SPIDR: variants seen among roughly 807,000 people sequenced by gnomAD.
SPIDR encodes the protein DNA repair-scaffolding protein.
Under a neutral mutation model 104.6 loss-of-function variants are expected in SPIDR, and 93 were observed. The observed-to-expected ratio is 0.89, with a 90% CI of 0.75 to 1.06. SPIDR has a LOEUF of 1.06. Among genes scored for constraint, SPIDR ranks in the 50% least tolerant of loss-of-function variants. The probability of loss-of-function intolerance (pLI) is 0.00; values close to 1 mark genes in which losing one functional copy is unlikely to be tolerated. For missense variants in SPIDR, 1,154 were observed against 1,111.2 expected (o/e 1.04, Z -0.55); for synonymous variants, 431 against 416.9 (o/e 1.03, Z -0.41).
intron 10 of SPIDR, among the ~76,000 whole-genome samples, chr8:47,608,708 T>C (rs1383805108): frequency 6.6e-6 from 1 of 152,220 alleles, no homozygotes; most frequent in Non-Finnish European, 1.5e-5. Flanking sequence ...CTAACAATGT[T>C]GAGCATCTTT....
chr8:47,283,809 C>T lies in SPIDR; in HGVS notation c.190-219C>T, dbSNP rs376622515. 8.2e-4 allele frequency among the ~76,000 whole-genome samples: 125 copies of T among 152,032 alleles called. 1 individual carries two copies. Among genetic ancestry groups the T allele is most frequent in the African/African-American group, 8.0e-4 (33 of 41,468 alleles). On this transcript the variant is annotated intron_variant, in intron 2 of 19. Coordinates refer to ENST00000297423, the MANE Select transcript of SPIDR (RefSeq NM_001080394.4). ...TATTACACTGAATGTTAATGGGAAA[C>T]GTTTTGGTCAGTCAGATCTCTTTAG...
intron 8 of SPIDR, among the ~76,000 whole-genome samples, chr8:47,520,099 T>C (rs1156754490): frequency 6.6e-6 from 1 of 152,192 alleles, no homozygotes; most frequent in African/African-American, 2.4e-5. Context: ...TATAGTTGTA[T>C]TTGAATATGG....
chr8:47,317,629 G>C (rs1377553842), intron 5 of SPIDR, among the ~76,000 whole-genome samples: 5 of 152,280 alleles, frequency 3.3e-5, no homozygotes, highest in African/African-American at 1.2e-4. Flanking sequence ...GGAGGTCTGA[G>C]AACAGAAAGA....
chr8:47,507,391 A>G (rs1453094005), intron 8 of SPIDR, among the ~76,000 whole-genome samples: 1 of 152,222 alleles, frequency 6.6e-6, no homozygotes, highest in Non-Finnish European at 1.5e-5. Context: ...AAGACATGCC[A>G]TGGGAAGCTC....
intron 10 of SPIDR, among the ~76,000 whole-genome samples, chr8:47,633,580 C>A (rs568246824): frequency 1.7e-3 from 223 of 128,286 alleles, no homozygotes; most frequent in Non-Finnish European, 2.9e-3. Flanking sequence ...AAAACAAAAA[C>A]CAAGCATGGT....
intron 10 of SPIDR, among the ~76,000 whole-genome samples, chr8:47,623,971 A>G (rs28804403): frequency 3.9e-4 from 59 of 152,346 alleles, no homozygotes; most frequent in Admixed American, 1.1e-3. Context: ...TCCAAAATTG[A>G]CCACATAGTT....
chr8:47,556,843 G>C (rs189657245), intron 8 of SPIDR, among the ~76,000 whole-genome samples: 15 of 152,158 alleles, frequency 9.9e-5, no homozygotes, highest in African/African-American at 3.6e-4. Flanking sequence ...GCCTCAAGCA[G>C]CCCTCCCACT....
At chr8:47,454,069 C>T (rs561958060) in intron 8 of SPIDR, among the ~76,000 whole-genome samples, 44 of 152,280 alleles carry the variant, frequency 2.9e-4, no homozygotes, top group African/African-American at 1.0e-3. Flanking sequence ...GACAGTGCAG[C>T]AATTCCTCAA....
chr8:47,638,765 C>T (rs1159709284), intron 10 of SPIDR, among the ~76,000 whole-genome samples: 2 of 152,204 alleles, frequency 1.3e-5, no homozygotes, highest in Non-Finnish European at 2.9e-5. Context: ...TTTCTGTCAG[C>T]CTCAGTAACT....
In SPIDR at chr8:47,608,242, A is replaced by G. The variant is rs1353290000; in HGVS notation, c.1544+9046A>G. Among the ~76,000 whole-genome samples the G allele has an allele frequency of 3.3e-5, 5 of 152,276 alleles. 1 individual carries two copies. In the South Asian group the frequency reaches 1.0e-3, roughly 32 times the overall value. On this transcript the variant is annotated intron_variant, in intron 10 of 19. Coordinates refer to ENST00000297423, the MANE Select transcript of SPIDR (RefSeq NM_001080394.4). ...TTCTTTTACCTAGCATAATATTTTTAAGGTTTATCCATGTTGTGACATGTT... is the reference window on the plus strand; with the variant it reads ...TTCTTTTACCTAGCATAATATTTTTGAGGTTTATCCATGTTGTGACATGTT...
At chr8:47,510,902 C>G (rs1291704374) in intron 8 of SPIDR, 2 of 525,408 alleles carry the variant, frequency 3.8e-6, no homozygotes, top group Non-Finnish European at 6.8e-6. Context: ...CACCTAAGAA[C>G]CTAGAGCTGT....
intron 16 of SPIDR, among the ~76,000 whole-genome samples, chr8:47,718,764 TC>T (rs1231831276): frequency 6.6e-6 from 1 of 152,164 alleles, no homozygotes; most frequent in Admixed American, 6.5e-5. Flanking sequence ...ATGGCAGGAT[TC>T]TTTTTTTTTC....
At chr8:47,702,443 G>A (rs929992678) in intron 14 of SPIDR, among the ~76,000 whole-genome samples, 6 of 152,114 alleles carry the variant, frequency 3.9e-5, no homozygotes, top group African/African-American at 1.4e-4. Context: ...TCTCAGGATC[G>A]AGCTCAGCTA....
intron 8 of SPIDR, among the ~76,000 whole-genome samples, chr8:47,557,418 G>A (rs1267113616): frequency 6.6e-6 from 1 of 152,208 alleles, no homozygotes; most frequent in African/African-American, 2.4e-5. Flanking sequence ...AAGAAGGGCA[G>A]TTGCAGGGAG....
At chr8:47,710,755 A>G (rs2081759136) in intron 14 of SPIDR, among the ~76,000 whole-genome samples, 1 of 151,992 alleles carries the variant, frequency 6.6e-6, no homozygotes, top group Non-Finnish European at 1.5e-5. Flanking sequence ...GGCATGAGCC[A>G]CCACGACTGG....
At chr8:47,553,697 CT>C (rs2090916939) in intron 8 of SPIDR, among the ~76,000 whole-genome samples, 1 of 152,172 alleles carries the variant, frequency 6.6e-6, no homozygotes, top group African/African-American at 2.4e-5. Flanking sequence ...GAACATCCTC[CT>C]TTAGCTCGGA....
At chr8:47,690,055 T>TA (rs111756835) in intron 11 of SPIDR, among the ~76,000 whole-genome samples, 4,345 of 147,534 alleles carry the variant, frequency 0.029, 207 homozygotes, top group African/African-American at 0.099. Flanking sequence ...AATATTTGGT[T>TA]AAAAAAAAAA....
intron 11 of SPIDR, among the ~76,000 whole-genome samples, chr8:47,696,129 A>T (rs1419561670): frequency 1.3e-5 from 2 of 152,232 alleles, no homozygotes; most frequent in South Asian, 2.1e-4. Flanking sequence ...TTCTTGTCGC[A>T]CGATGGGAAA....
chr8:47,354,170 A>G (rs2054083137), intron 5 of SPIDR, among the ~76,000 whole-genome samples: 1 of 152,200 alleles, frequency 6.6e-6, no homozygotes, highest in South Asian at 2.1e-4. Flanking sequence ...ATATTCACAA[A>G]GTGCCTTTCT....
Sources: allele counts gnomAD v4.1 joint callset (sites outside exome capture counted in the v4.1 genomes callset), GRCh38; gene constraint gnomAD v4.1.1; transcripts MANE v1.5; gene names NCBI Gene and HGNC (gene_info 2026-07-23, HGNC 2026-07-21).